Variants in RIMS2 observed in about 807,000 individuals in gnomAD.
The protein encoded by RIMS2 is regulating synaptic membrane exocytosis protein 2.
Under a neutral mutation model 174.4 loss-of-function variants are expected in RIMS2, and 59 were observed. The ratio of observed to expected loss-of-function variants is 0.34; its 90% confidence interval spans 0.27 to 0.42. RIMS2 has a LOEUF of 0.42. RIMS2 is among the 10% of genes least tolerant of loss of function. The probability of loss-of-function intolerance (pLI) is 1.00; values close to 1 mark genes in which losing one functional copy is unlikely to be tolerated. For synonymous variants in RIMS2, 606 were observed against 572.5 expected, an observed-to-expected ratio of 1.06 and a Z score of -0.84; for missense variants, 1,620 against 1,666.3, an observed-to-expected ratio of 0.97 and a Z score of 0.48.
intron 19 of RIMS2, among the ~76,000 whole-genome samples, chr8:104,107,955 G>A (rs1169806710): frequency 1.4e-5 from 2 of 139,692 alleles, no homozygotes; most frequent in Non-Finnish European, 3.1e-5. Context: ...TAGTCCAGGT[G>A]GTCTTTCCCC....
chr8:104,199,828 G>T (rs544230958), intron 19 of RIMS2, among the ~76,000 whole-genome samples: 4 of 152,292 alleles, frequency 2.6e-5, no homozygotes, highest in African/African-American at 7.2e-5. Flanking sequence ...ACTTGAACTG[G>T]GTGGCGCTGG....
intron 1 of RIMS2, among the ~76,000 whole-genome samples, chr8:103,655,178 T>C (rs985520860): frequency 3.9e-5 from 6 of 152,004 alleles, no homozygotes; most frequent in African/African-American, 1.4e-4. Context: ...GAATGAGCCA[T>C]TTGTTTTAGT....
Position 103,634,931 on chromosome 8 carries a change from C to T in RIMS2, c.177-62155C>T, listed in dbSNP as rs113868680. Among the ~76,000 whole-genome samples, 64 of 152,104 alleles carry T rather than the reference C, an allele frequency of 4.2e-4. 1 individual carries two copies. Among genetic ancestry groups the T allele is most frequent in the African/African-American group, 1.5e-3 (64 of 41,484 alleles). On this transcript the variant is annotated intron_variant, in intron 1 of 23. Coordinates refer to ENST00000504942, the Ensembl canonical transcript of RIMS2. ...TGAGTGTCATTATGTGTGAGATGGG[C>T]CTCTTGAAGACACCATACCATTGGG... is the stretch of plus-strand genomic sequence containing the variant.
intron 1 of RIMS2, among the ~76,000 whole-genome samples, chr8:103,645,934 G>T (rs1317290583): frequency 6.6e-6 from 1 of 152,108 alleles, no homozygotes; most frequent in Non-Finnish European, 1.5e-5. Flanking sequence ...GGTGCAGGTG[G>T]GCTGAGTCTG....
intron 19 of RIMS2, among the ~76,000 whole-genome samples, chr8:104,113,812 T>C (rs763522400): frequency 2.2e-4 from 34 of 151,910 alleles, no homozygotes; most frequent in Non-Finnish European, 3.5e-4. Context: ...TTTTTTCAAA[T>C]AGAACAGGCT....
chr8:104,064,307 TG>T (rs1158638430), intron 19 of RIMS2, among the ~76,000 whole-genome samples: 2 of 152,122 alleles, frequency 1.3e-5, no homozygotes, highest in African/African-American at 4.8e-5. Context: ...AACAAAATAT[TG>T]GATTTTTTTT....
intron 20 of RIMS2, among the ~76,000 whole-genome samples, chr8:104,246,839 G>A (rs961017097): frequency 3.9e-5 from 6 of 152,130 alleles, no homozygotes; most frequent in Admixed American, 3.3e-4. Flanking sequence ...TAAAGGATGA[G>A]GAATTAGGGC....
At chr8:103,531,903 G>T (rs1265138475) in intron 1 of RIMS2, among the ~76,000 whole-genome samples, 1 of 152,062 alleles carries the variant, frequency 6.6e-6, no homozygotes, top group Non-Finnish European at 1.5e-5. Flanking sequence ...AGCAGACTTT[G>T]TACCTGAGGC....
chr8:103,705,225 T>G (rs1274028693), intron 2 of RIMS2, among the ~76,000 whole-genome samples: 2 of 152,106 alleles, frequency 1.3e-5, no homozygotes, highest in Non-Finnish European at 2.9e-5. Context: ...CACAAGCATG[T>G]TGTTTTATTT....
intron 3 of RIMS2, among the ~76,000 whole-genome samples, chr8:103,863,179 T>C (rs145304539): frequency 6.6e-6 from 1 of 152,316 alleles, no homozygotes; most frequent in Non-Finnish European, 1.5e-5. Context: ...CATGAAGGGA[T>C]GTTGGATTTT....
At chr8:104,027,200 G>A (rs2096275033) in intron 19 of RIMS2, among the ~76,000 whole-genome samples, 1 of 152,130 alleles carries the variant, frequency 6.6e-6, no homozygotes, top group African/African-American at 2.4e-5. Flanking sequence ...AACTAAAGCA[G>A]AGGTTGGAAT....
chr8:103,711,024 G>A (rs1422303462), intron 2 of RIMS2, among the ~76,000 whole-genome samples: 1 of 152,188 alleles, frequency 6.6e-6, no homozygotes, highest in Non-Finnish European at 1.5e-5. Context: ...CGCTTTTTGG[G>A]AGTAACTGGT....
At chr8:103,533,649 G>A (rs1259513877) in intron 1 of RIMS2, among the ~76,000 whole-genome samples, 37 of 110,874 alleles carry the variant, frequency 3.3e-4, no homozygotes, top group Admixed American at 2.7e-3. Context: ...GGGACAAAGC[G>A]AGACCCTGTC....
At chr8:103,655,506 T>G (rs1189097976) in intron 1 of RIMS2, among the ~76,000 whole-genome samples, 2 of 152,114 alleles carry the variant, frequency 1.3e-5, no homozygotes, top group Non-Finnish European at 2.9e-5. Context: ...ACTAATCAAT[T>G]GGATTACTTT....
At chr8:104,245,025 T>C in exon 20 of RIMS2, 1 of 1,613,864 alleles carries the variant, frequency 6.2e-7, no homozygotes, top group Non-Finnish European at 8.5e-7. Context: ...AGTCTACAGA[T>C]GGTAGCATGA....
At chr8:103,826,935 C>T (rs1250634870) in intron 3 of RIMS2, among the ~76,000 whole-genome samples, 20 of 152,022 alleles carry the variant, frequency 1.3e-4, no homozygotes, top group Middle Eastern at 3.4e-3. Context: ...CTTGGCCTCC[C>T]GAAGCACTGG....
intron 17 of RIMS2, among the ~76,000 whole-genome samples, chr8:104,009,481 G>A (rs2095689182): frequency 6.6e-6 from 1 of 151,696 alleles, no homozygotes; most frequent in African/African-American, 2.4e-5. Context: ...ATTTTTTGTA[G>A]ATACAGGGTT....
chr8:103,776,837 C>G (rs1359276217), intron 3 of RIMS2, among the ~76,000 whole-genome samples: 1 of 152,106 alleles, frequency 6.6e-6, no homozygotes, highest in Admixed American at 6.6e-5. Flanking sequence ...AGCTGTGAAG[C>G]ATGACTTTTC....
intron 1 of RIMS2, among the ~76,000 whole-genome samples, chr8:103,696,862 C>CAAAAAAAA (rs55852238): frequency 0.034 from 1,828 of 53,636 alleles, 89 homozygotes; most frequent in Middle Eastern, 0.05. Context: ...GACTTCGTCT[C>CAAAAAAAA]AAAAAAAAAA....
Sources: allele counts gnomAD v4.1 joint callset (sites outside exome capture counted in the v4.1 genomes callset), GRCh38; gene constraint gnomAD v4.1.1; transcripts MANE v1.5; gene names NCBI Gene and HGNC (gene_info 2026-07-23, HGNC 2026-07-21).